PCDHA1: variants seen among roughly 807,000 people sequenced by gnomAD.
PCDHA1 encodes the protein protocadherin alpha 1, also known as protocadherin alpha-1.
A neutral mutation model predicts 61.3 loss-of-function variants in PCDHA1; 42 were observed. That is an observed-to-expected ratio of 0.69 (90% CI 0.54 to 0.89). PCDHA1 has a LOEUF of 0.89. PCDHA1 is among the 40% of genes least tolerant of loss of function. The probability of loss-of-function intolerance (pLI) is 0.00; values close to 1 mark genes in which losing one functional copy is unlikely to be tolerated. For missense variants in PCDHA1, 1,256 were observed against 1,235.3 expected (o/e 1.02, Z -0.25); for synonymous variants, 610 against 553.8 (o/e 1.10, Z -1.43).
Position 141,010,035 on chromosome 5 carries a change from G to A in PCDHA1, c.*98G>A. 7 of 1,582,518 alleles carry A rather than the reference G, an allele frequency of 4.4e-6. No individual in the cohort carries two copies. The South Asian group carries it at 7.1e-5, about 16-fold the overall frequency. ...CTGCTCCTTTTTCCTATCTACATGAGCCCTCTTAGAGACCTCAGAAATCTG... is the reference window on the plus strand; with the variant it reads ...CTGCTCCTTTTTCCTATCTACATGAACCCTCTTAGAGACCTCAGAAATCTG... On this transcript the variant is annotated 3_prime_UTR_variant, in exon 4 of 4. Coordinates refer to ENST00000504120, the MANE Select transcript of PCDHA1 (RefSeq NM_018900.4).
rs2150354171 is a variant in PCDHA1, at chr5:140,843,161, G to C, written c.2394+54477G>C. 3.6e-5 allele frequency: 58 copies of C among 1,595,996 alleles called. 4 individuals are homozygous for C. In the South Asian group the frequency reaches 6.1e-4, roughly 17 times the overall value. ...GTGGCTTTCGTATGAGCTGCAGCCA[G>C]CTGCAAGCAGCCCTCGCATCCCGTT... On this transcript the variant is annotated intron_variant, in intron 1 of 3. Coordinates refer to ENST00000504120, the MANE Select transcript of PCDHA1 (RefSeq NM_018900.4).
intron 3 of PCDHA1, among the ~76,000 whole-genome samples, chr5:140,992,017 CTGTG>C (rs10602499): frequency 0.28 from 40,265 of 145,404 alleles, 5,754 homozygotes; most frequent in East Asian, 0.38. Flanking sequence ...AGAGGTGGCT[CTGTG>C]TGTGTGTGTG....
chr5:140,954,487 A>T (rs1585567544), intron 1 of PCDHA1, among the ~76,000 whole-genome samples: 1 of 152,120 alleles, frequency 6.6e-6, no homozygotes, highest in African/African-American at 2.4e-5. Flanking sequence ...AAGATATTTC[A>T]TTGTGGTTTT....
intron 1 of PCDHA1, chr5:140,849,896 CA>C: frequency 6.3e-7 from 1 of 1,598,590 alleles, no homozygotes; most frequent in Non-Finnish European, 8.6e-7. Context: ...TGAAGGAGAA[CA>C]ACCCGCCGGG....
intron 1 of PCDHA1, chr5:140,823,604 T>G: frequency 5.6e-6 from 9 of 1,613,998 alleles, no homozygotes; most frequent in Non-Finnish European, 7.6e-6. Context: ...TCGTATGAGC[T>G]GCAGCCAGCG....
intron 1 of PCDHA1, among the ~76,000 whole-genome samples, chr5:140,889,253 G>A (rs1272394693): frequency 6.6e-6 from 1 of 151,724 alleles, no homozygotes; most frequent in Non-Finnish European, 1.5e-5. Flanking sequence ...TCTGTTTCCT[G>A]TAAAAGTTTG....
intron 3 of PCDHA1, among the ~76,000 whole-genome samples, chr5:140,997,130 C>T (rs1480730795): frequency 6.6e-6 from 1 of 151,984 alleles, no homozygotes; most frequent in Non-Finnish European, 1.5e-5. Flanking sequence ...TACACAATGC[C>T]CCCACACCCC....
intron 1 of PCDHA1, among the ~76,000 whole-genome samples, chr5:140,972,181 AC>A: frequency 6.6e-6 from 1 of 152,234 alleles, no homozygotes; most frequent in Admixed American, 6.5e-5. Flanking sequence ...TTGGCCTGTC[AC>A]CCAGGCTGGA....
At chr5:140,844,072 C>T (rs1779214774) in intron 1 of PCDHA1, among the ~76,000 whole-genome samples, 1 of 149,460 alleles carries the variant, frequency 6.7e-6, no homozygotes, top group African/African-American at 2.5e-5. Context: ...TTCTTTTGTC[C>T]TTAGGCACTG....
At chr5:140,863,105 A>C (rs1554157760) in intron 1 of PCDHA1, 1 of 581,650 alleles carries the variant, frequency 1.7e-6, no homozygotes, top group Non-Finnish European at 3.4e-6. Flanking sequence ...AGTACCCTGG[A>C]CGAGGCGAAA....
intron 1 of PCDHA1, among the ~76,000 whole-genome samples, chr5:140,934,108 T>C (rs574657499): frequency 6.6e-6 from 1 of 152,276 alleles, no homozygotes; most frequent in East Asian, 1.9e-4. Flanking sequence ...TCTATTTTAT[T>C]AATTTTCATA....
intron 1 of PCDHA1, among the ~76,000 whole-genome samples, chr5:140,826,393 A>C (rs2150143782): frequency 6.6e-6 from 1 of 152,156 alleles, no homozygotes; most frequent in Non-Finnish European, 1.5e-5. Flanking sequence ...AGAACTACTA[A>C]ATAGATCCAG....
At chr5:140,828,654 A>G (rs1769871452) in intron 1 of PCDHA1, 1 of 1,614,224 alleles carries the variant, frequency 6.2e-7, no homozygotes, top group South Asian at 1.1e-5. Flanking sequence ...AACAGTGATG[A>G]CAATAAACAA....
intron 1 of PCDHA1, chr5:140,835,779 G>GAGAACAACCCGCCGGGCTGCCACATCTT: frequency 6.2e-7 from 1 of 1,613,360 alleles, no homozygotes; most frequent in Non-Finnish European, 8.5e-7. Context: ...GTTCGTGAAG[G>GAGAACAACCCGCCGGGCTGCCACATCTT]AGAACAACCC....
intron 1 of PCDHA1, chr5:140,867,294 T>A (rs987236296): frequency 6.6e-6 from 1 of 152,152 alleles, no homozygotes; most frequent in Admixed American, 6.5e-5. Flanking sequence ...TCAAATATCA[T>A]GTTGAATATA....
chr5:140,924,597 G>A lies in PCDHA1; in HGVS notation c.2395-54352G>A, dbSNP rs1278228526. ...ATGTTTTCAAATATTATAGAAATATGCAGGCTGATGCCAGGTGCGGTGGCA... is the reference window on the plus strand; with the variant it reads ...ATGTTTTCAAATATTATAGAAATATACAGGCTGATGCCAGGTGCGGTGGCA... On this transcript the variant is annotated intron_variant, in intron 1 of 3. Coordinates refer to ENST00000504120, the MANE Select transcript of PCDHA1 (RefSeq NM_018900.4). Among the ~76,000 whole-genome samples the A allele has an allele frequency of 2.6e-5, 4 of 152,078 alleles. No homozygotes were observed. The East Asian group carries it at 7.7e-4, about 29-fold the overall frequency.
chr5:140,896,560 A>G (rs1583236503), intron 1 of PCDHA1, among the ~76,000 whole-genome samples: 2 of 150,934 alleles, frequency 1.3e-5, no homozygotes, highest in African/African-American at 4.9e-5. Flanking sequence ...TATTTTAAGT[A>G]GAGATGGGGT....
At position 140,786,313 on chromosome 5, in the gene PCDHA1, G is replaced by T. The variant is rs782547817; in HGVS notation, c.23G>T (p.Gly8Val). The T allele has an allele frequency of 1.2e-6, 2 of 1,610,410 alleles. No homozygotes were observed. Among genetic ancestry groups the T allele is most frequent in the Non-Finnish European group, 1.7e-6 (2 of 1,178,016 alleles). The change falls in exon 1 of 4, where the codon GGC becomes GTC. Residue 8 changes from glycine to valine, a missense_variant. By Grantham distance (109) the Gly-to-Val change is moderately radical (BLOSUM62 -3). Transcript: ENST00000504120. MVFSRRG[G>V]LGARDLLLWL... is the part of the protein sequence containing the mutation. ...GCAATGGTGTTTTCTAGGAGAGGGG[G>T]CCTGGGAGCCCGGGATCTGCTTCTT...
intron 1 of PCDHA1, chr5:140,812,099 T>C (rs1456552720): frequency 1.3e-5 from 2 of 152,060 alleles, no homozygotes; most frequent in African/African-American, 4.8e-5. Flanking sequence ...TTGATTCTTC[T>C]TTAAAAGTTT....
Sources: allele counts gnomAD v4.1 joint callset (sites outside exome capture counted in the v4.1 genomes callset), GRCh38; gene constraint gnomAD v4.1.1; transcripts MANE v1.5; gene names NCBI Gene and HGNC (gene_info 2026-07-23, HGNC 2026-07-21).